ANAPC1: variants seen among roughly 807,000 people sequenced by gnomAD.
The protein encoded by ANAPC1 is anaphase-promoting complex subunit 1.
In ANAPC1, 36 loss-of-function variants were observed where a neutral mutation model predicts 208.0. That is an observed-to-expected ratio of 0.17 (90% CI 0.13 to 0.23). The LOEUF (loss-of-function observed/expected upper bound fraction) is 0.23. Ranked by LOEUF, ANAPC1 falls within the 10% of genes least tolerant of loss-of-function variation. ANAPC1 has a pLI of 1.00. For missense variants in ANAPC1, 942 were observed against 2,011.6 expected (o/e 0.47, Z 10.17); for synonymous variants, 378 against 695.2 (o/e 0.54, Z 7.18).
At chr2:111,843,820 CTTTTTT>C (rs369036574) in intron 16 of ANAPC1, among the ~76,000 whole-genome samples, 2 of 86,828 alleles carry the variant, frequency 2.3e-5, no homozygotes, top group African/African-American at 4.6e-5. Flanking sequence ...CTGAAGACAG[CTTTTTT>C]TTTTTTTTTT....
At chr2:111,839,109 T>A (rs1354036455) in intron 17 of ANAPC1, among the ~76,000 whole-genome samples, 1 of 152,104 alleles carries the variant, frequency 6.6e-6, no homozygotes, top group Non-Finnish European at 1.5e-5. Context: ...CCAGGACCAG[T>A]CCAGTCCTAC....
chr2:111,787,434 T>A (rs1265123171), intron 39 of ANAPC1, among the ~76,000 whole-genome samples: 1 of 151,402 alleles, frequency 6.6e-6, no homozygotes, highest in South Asian at 2.1e-4. Flanking sequence ...TCGTTGGTTA[T>A]ACATTGTAGT....
chr2:111,859,427 C>T (rs1244928401), intron 10 of ANAPC1, among the ~76,000 whole-genome samples: 90 of 152,072 alleles, frequency 5.9e-4, no homozygotes, highest in Admixed American at 6.6e-5. Flanking sequence ...GCCAAGATCA[C>T]GCCATTGCAC....
At chr2:111,766,432 GCCCAGTTACA>G (rs1456076826), downstream of ANAPC1, 1 of 152,522 alleles carries the variant, frequency 6.6e-6, no homozygotes, top group African/African-American at 2.4e-5. Flanking sequence ...GAGGCAGCCA[GCCCAGTTACA>G]CCGTCCAGAG....
At chr2:111,797,515 C>T (rs779070905) in intron 34 of ANAPC1, among the ~76,000 whole-genome samples, 73 of 147,200 alleles carry the variant, frequency 5.0e-4, no homozygotes, top group Non-Finnish European at 9.8e-4. Flanking sequence ...ACAATTCTTC[C>T]TCACCTCTTT....
intron 1 of ANAPC1, among the ~76,000 whole-genome samples, chr2:111,881,608 A>G (rs545692764): frequency 6.6e-6 from 1 of 152,368 alleles, no homozygotes; most frequent in East Asian, 1.9e-4. Flanking sequence ...GAACTGTTAA[A>G]GCCTTCATCA....
chr2:111,826,683 A>C, intron 21 of ANAPC1, among the ~76,000 whole-genome samples: 1 of 136,676 alleles, frequency 7.3e-6, no homozygotes, highest in Non-Finnish European at 1.6e-5. Flanking sequence ...TTTTTTTGAG[A>C]CGGAGTCTCA....
At chr2:111,864,685 C>T (rs1286418804) in intron 8 of ANAPC1, 121 bp downstream of exon 8, 8 of 1,507,784 alleles carry the variant, frequency 5.3e-6, no homozygotes, top group South Asian at 1.2e-5. Context: ...TGGTCTTGAA[C>T]GTCCTGACCT....
rs1368745140 is a variant in ANAPC1 at position 111,794,099 on chromosome 2, C to G, written c.4497G>C (p.Leu1499Phe). The G allele has an allele frequency of 3.5e-6, 5 of 1,422,810 alleles. No individual in the cohort carries two copies. Among genetic ancestry groups the G allele is most frequent in the Non-Finnish European group, 4.8e-6 (5 of 1,044,228 alleles). 88.1% of individuals were successfully genotyped at this position (1,422,810 alleles called of 1,614,324 possible). A position where few individuals can be genotyped will look rare whatever the true frequency, so the allele number is the denominator to read the frequency against. The change falls in exon 37 of 48, where the codon TTG becomes TTC. Residue 1499 changes from leucine to phenylalanine, a missense_variant. Coordinates refer to ENST00000341068, the MANE Select transcript of ANAPC1 (RefSeq NM_022662.4). ...HKFAKDFMTY[L>F]SAPNASVTGP... is the part of the protein sequence containing the mutation. ...TTACAACAGAAGCATTAGGTGCGGACAAATAAGTCATAAAATCTTTGGCAA... is the reference window on the plus strand; with the variant it reads ...TTACAACAGAAGCATTAGGTGCGGAGAAATAAGTCATAAAATCTTTGGCAA...
Position 111,772,357 on chromosome 2 carries a change from T to G in ANAPC1, c.5703A>C (p.Pro1901=), listed in dbSNP as rs756064523. 31 of 1,612,308 alleles carry G rather than the reference T, an allele frequency of 1.9e-5. No individual in the cohort carries two copies. Among genetic ancestry groups the G allele is most frequent in the Non-Finnish European group, 2.4e-5 (28 of 1,179,508 alleles). ...YHSVPAPQHL[P]PIGLEGSTSF... is the part of the protein sequence containing the mutation. ...TGCAATTACCTTCTAGTCCTATAGG[T>G]GGCAGGTGCTGTGGAGCTGGCACAG... The change falls in exon 47 of 48, where the codon CCA becomes CCC. Residue 1901 remains proline (P), a synonymous_variant. Transcript: ENST00000341068.
intron 21 of ANAPC1, among the ~76,000 whole-genome samples, chr2:111,827,817 G>T (rs1829150): frequency 7.2e-5 from 11 of 151,886 alleles, no homozygotes; most frequent in Non-Finnish European, 1.3e-4. Context: ...AACCAAAAAC[G>T]TATCAACAAG....
intron 3 of ANAPC1, among the ~76,000 whole-genome samples, chr2:111,874,389 T>C (rs1023756615): frequency 2.0e-5 from 3 of 152,106 alleles, no homozygotes; most frequent in African/African-American, 7.2e-5. Flanking sequence ...AACTTTTTCC[T>C]CATCTCAAAC....
At chr2:111,878,023 T>C (rs1683106683) in intron 3 of ANAPC1, among the ~76,000 whole-genome samples, 1 of 152,208 alleles carries the variant, frequency 6.6e-6, no homozygotes, top group Non-Finnish European at 1.5e-5. Context: ...CTACTAATTA[T>C]GCTAAACTCA....
intron 5 of ANAPC1, 40 bp from the exon 6 acceptor site, chr2:111,872,752 A>G: frequency 4.7e-6 from 6 of 1,267,662 alleles, no homozygotes; most frequent in East Asian, 2.3e-5. Context: ...AAGTAAGAGA[A>G]CCTACCCCTT....
chr2:111,844,757 CTT>C (rs1680963167), intron 16 of ANAPC1, among the ~76,000 whole-genome samples: 1 of 152,138 alleles, frequency 6.6e-6, no homozygotes, highest in Non-Finnish European at 1.5e-5. Context: ...AGCTTTATAA[CTT>C]TATTTCTGAG....
At chr2:111,848,766 G>A (rs1382463188) in intron 14 of ANAPC1, among the ~76,000 whole-genome samples, 1 of 148,230 alleles carries the variant, frequency 6.7e-6, no homozygotes, top group Non-Finnish European at 1.5e-5. Context: ...GACAGGGCAA[G>A]ACTCCATCTC....
At chr2:111,792,243 G>A in intron 38 of ANAPC1, 119 bp downstream of exon 38, 1 of 636,296 alleles carries the variant, frequency 1.6e-6, no homozygotes, top group Non-Finnish European at 2.7e-6. Context: ...AATGCTGCTA[G>A]TTAAGCTAAG....
Position 111,834,765 on chromosome 2 carries a change from C to T in ANAPC1, c.2223G>A (p.Glu741=). The stretch of plus-strand genomic sequence containing the variant: ...CCAGACTGAGATTCTGTGAAAAATC[C>T]TCATCCTTCATCTGTGAAGCTTCTG... The part of the protein sequence containing the change: ...SPSEASQMKD[E]DFSQNLSLDS... The change falls in exon 19 of 48, where the codon GAG becomes GAA. Residue 741 remains glutamate, a synonymous_variant. Transcript: ENST00000341068. The T allele has an allele frequency of 6.2e-7, 1 of 1,613,196 alleles. No individual in the cohort carries two copies. Among genetic ancestry groups the T allele is most frequent in the Non-Finnish European group, 8.5e-7 (1 of 1,179,684 alleles).
intron 7 of ANAPC1, among the ~76,000 whole-genome samples, chr2:111,866,648 T>C (rs1380320742): frequency 2.0e-5 from 3 of 147,398 alleles, no homozygotes; most frequent in Non-Finnish European, 4.5e-5. Context: ...CGCTTGAACC[T>C]GGGAGGCAGA....
Sources: allele counts gnomAD v4.1 joint callset (sites outside exome capture counted in the v4.1 genomes callset), GRCh38; gene constraint gnomAD v4.1.1; transcripts MANE v1.5; gene names NCBI Gene and HGNC (gene_info 2026-07-23, HGNC 2026-07-21).